The following CSMD3 variants were observed in gnomAD, a reference collection of about 807,000 sequenced individuals.
CSMD3 encodes CUB and Sushi multiple domains 3, also known as CUB and sushi domain-containing protein 3.
In CSMD3, 177 loss-of-function variants were observed where a neutral mutation model predicts 435.2. The ratio of observed to expected loss-of-function variants is 0.41; its 90% CI spans 0.36 to 0.46. The LOEUF is 0.46. Ranked by LOEUF, CSMD3 falls within the 20% of genes least tolerant of loss-of-function variation. The probability of loss-of-function intolerance (pLI) is 0.34; values close to 1 mark genes in which losing one functional copy is unlikely to be tolerated. For synonymous variants in CSMD3, 1,656 were observed against 1,520.5 expected (o/e 1.09, Z -2.07); for missense variants, 4,265 against 4,504.6 (o/e 0.95, Z 1.52).
chr8:112,494,260 C>T (rs1820989668), intron 30 of CSMD3, among the ~76,000 whole-genome samples: 1 of 150,936 alleles, frequency 6.6e-6, no homozygotes, highest in Admixed American at 6.6e-5. Flanking sequence ...AGGTTGCCTC[C>T]CTTCTTTCCT....
chr8:113,264,850 A>T (rs972169153), intron 3 of CSMD3, among the ~76,000 whole-genome samples: 12 of 151,676 alleles, frequency 7.9e-5, no homozygotes, highest in African/African-American at 2.9e-4. Context: ...TGGAGTTTTA[A>T]TTCCTTAACG....
intron 3 of CSMD3, among the ~76,000 whole-genome samples, chr8:113,201,565 A>G (rs1326821713): frequency 6.6e-6 from 1 of 152,012 alleles, no homozygotes; most frequent in Non-Finnish European, 1.5e-5. Flanking sequence ...AAACTTGTGC[A>G]TTCTTCACTT....
intron 32 of CSMD3, among the ~76,000 whole-genome samples, chr8:112,458,568 T>G (rs1200952504): frequency 6.6e-6 from 1 of 152,154 alleles, no homozygotes; most frequent in African/African-American, 2.4e-5. Context: ...AATTATATGC[T>G]TTTGTCCAAG....
chr8:113,406,531 A>G (rs1473247693), intron 1 of CSMD3, among the ~76,000 whole-genome samples: 1 of 152,060 alleles, frequency 6.6e-6, no homozygotes, highest in Non-Finnish European at 1.5e-5. Context: ...ACGAACCTGG[A>G]GTAAAGCAAT....
chr8:112,773,422 T>A (rs1283950208), intron 13 of CSMD3, among the ~76,000 whole-genome samples: 1 of 152,002 alleles, frequency 6.6e-6, no homozygotes, highest in Admixed American at 6.6e-5. Context: ...CTAATAAATC[T>A]TTTTGTTACA....
intron 4 of CSMD3, among the ~76,000 whole-genome samples, chr8:113,172,222 A>T (rs550449918): frequency 1.3e-5 from 2 of 152,050 alleles, no homozygotes. Context: ...AAATGTCAGA[A>T]CTCTTCATAG....
intron 13 of CSMD3, among the ~76,000 whole-genome samples, 169 bp from the exon 14 acceptor site, chr8:112,690,219 G>T (rs559904866): frequency 6.6e-6 from 1 of 151,180 alleles, no homozygotes; most frequent in African/African-American, 2.4e-5. Context: ...ATGATAAAAT[G>T]ATCTTTAGAT....
intron 45 of CSMD3, among the ~76,000 whole-genome samples, chr8:112,333,432 G>T (rs948237720): frequency 6.6e-6 from 1 of 152,120 alleles, no homozygotes; most frequent in East Asian, 1.9e-4. Context: ...CTCCCATAGT[G>T]CTGGGATTAT....
At chr8:112,302,058 G>T (rs2130761002) in intron 52 of CSMD3, 92 bp from the exon 53 acceptor site, 2 of 863,512 alleles carry the variant, frequency 2.3e-6, no homozygotes, top group African/African-American at 1.7e-5. Flanking sequence ...AGCTTCCTAT[G>T]ATTTGATGTA....
chr8:112,227,252 A>T (rs1375300438), intron 70 of CSMD3, among the ~76,000 whole-genome samples: 1 of 152,252 alleles, frequency 6.6e-6, no homozygotes, highest in Non-Finnish European at 1.5e-5. Flanking sequence ...TGAAGTACTG[A>T]TGCATGCTAT....
chr8:112,862,005 C>G (rs544149248), intron 10 of CSMD3, among the ~76,000 whole-genome samples: 2 of 152,016 alleles, frequency 1.3e-5, no homozygotes, highest in African/African-American at 4.8e-5. Flanking sequence ...TCGCACAGCT[C>G]TTAAATTAAC....
intron 7 of CSMD3, among the ~76,000 whole-genome samples, chr8:112,967,266 T>G (rs1311070853): frequency 6.6e-6 from 1 of 151,946 alleles, no homozygotes; most frequent in Non-Finnish European, 1.5e-5. Flanking sequence ...AAATTCATGC[T>G]AAAGTGACTC....
chr8:112,442,536 A>G (rs764954575), intron 32 of CSMD3, among the ~76,000 whole-genome samples: 15 of 152,182 alleles, frequency 9.9e-5, no homozygotes, highest in Admixed American at 5.9e-4. Context: ...TCACAAAGAT[A>G]TTTTTCTTTT....
At chr8:112,925,567 A>T (rs911423665) in intron 9 of CSMD3, among the ~76,000 whole-genome samples, 40 of 151,080 alleles carry the variant, frequency 2.6e-4, no homozygotes, top group Non-Finnish European at 4.7e-4. Context: ...AAAAAAAATT[A>T]AATATTTTCA....
rs144974312 is a variant in CSMD3, at chr8:113,373,542, T to G, written c.179-58749A>C. 4.8e-3 allele frequency among the ~76,000 whole-genome samples: 730 copies of G among 152,034 alleles called. 7 individuals are homozygous for G. Among genetic ancestry groups the G allele is most frequent in the African/African-American group, 0.016 (681 of 41,506 alleles). ...GCTTACATTATATGTGTATATATAT[T>G]TATATAAATACACATATATACATTT... On this transcript the variant is annotated intron_variant, in intron 1 of 70. Coordinates refer to ENST00000297405, the MANE Select transcript of CSMD3 (RefSeq NM_198123.2).
In CSMD3 at chr8:112,370,006, G is replaced by T. The variant is rs1828183552; in HGVS notation, c.6136+10346C>A. On this transcript the variant is annotated intron_variant, in intron 38 of 70. Transcript: ENST00000297405. ...GAAAGAGGAAGAGGAAGAAGAAGAG[G>T]AAGAGGAAGAAGAAGAGGAAGAAGA... 1.9e-5 allele frequency among the ~76,000 whole-genome samples: 2 copies of T among 103,986 alleles called. 1 individual carries two copies. Among genetic ancestry groups the T allele is most frequent in the South Asian group, 6.5e-4 (2 of 3,064 alleles). 68.2% of individuals were successfully genotyped at this position (103,986 alleles called of 152,430 possible).
chr8:112,267,901 T>C (rs895598316), intron 59 of CSMD3, among the ~76,000 whole-genome samples: 2 of 152,118 alleles, frequency 1.3e-5, no homozygotes, highest in Non-Finnish European at 2.9e-5. Flanking sequence ...TGCAAGTCAA[T>C]TCATTCACTA....
intron 3 of CSMD3, among the ~76,000 whole-genome samples, chr8:113,176,726 G>C (rs1000169866): frequency 1.9e-4 from 29 of 151,948 alleles, no homozygotes; most frequent in African/African-American, 5.1e-4. Flanking sequence ...CATGGACACA[G>C]GGAGGGGAAC....
intron 13 of CSMD3, among the ~76,000 whole-genome samples, chr8:112,713,616 C>A (rs2076658588): frequency 6.6e-6 from 1 of 151,780 alleles, no homozygotes; most frequent in Non-Finnish European, 1.5e-5. Flanking sequence ...CCCCAAGATA[C>A]ACAATCAGAT....
Sources: allele counts gnomAD v4.1 joint callset (sites outside exome capture counted in the v4.1 genomes callset), GRCh38; gene constraint gnomAD v4.1.1; transcripts MANE v1.5; gene names NCBI Gene and HGNC (gene_info 2026-07-23, HGNC 2026-07-21).